LPP: variants seen among roughly 807,000 people sequenced by gnomAD.
LPP encodes LIM domain containing preferred translocation partner in lipoma, also known as lipoma-preferred partner.
LPP carries 38 observed loss-of-function variants against 60.4 expected under a neutral mutation model. That is an observed-to-expected ratio of 0.63 (90% CI 0.49 to 0.83). LPP has a LOEUF of 0.83. Among genes scored for constraint, LPP ranks in the 40% least tolerant of loss-of-function variants. The pLI is 0.00. For missense variants in LPP, 902 were observed against 783.6 expected (o/e 1.15, Z -1.80); for synonymous variants, 328 against 290.8 (o/e 1.13, Z -1.30).
chr3:188,231,016 C>A (rs546847169), intron 2 of LPP, among the ~76,000 whole-genome samples: 21 of 152,270 alleles, frequency 1.4e-4, no homozygotes, highest in Admixed American at 1.4e-3. Context: ...CAGTTTCTTG[C>A]CGTGTAGGGC....
chr3:188,746,103 C>T (rs888212171), intron 8 of LPP, among the ~76,000 whole-genome samples: 1 of 152,066 alleles, frequency 6.6e-6, no homozygotes, highest in African/African-American at 2.4e-5. Context: ...CGAGTTGTAC[C>T]ACTTGCACCA....
intron 4 of LPP, among the ~76,000 whole-genome samples, chr3:188,442,116 TTTTA>T (rs796713544): frequency 5.9e-5 from 9 of 152,238 alleles, no homozygotes; most frequent in African/African-American, 2.2e-4. Flanking sequence ...TCAACACAAC[TTTTA>T]TTTATTTATT....
intron 2 of LPP, among the ~76,000 whole-genome samples, chr3:188,260,099 G>A (rs971735670): frequency 6.6e-6 from 1 of 151,656 alleles, no homozygotes; most frequent in Non-Finnish European, 1.5e-5. Context: ...CCAGGCAGTG[G>A]CACGATCTCG....
intron 2 of LPP, among the ~76,000 whole-genome samples, chr3:188,230,464 T>C (rs528489081): frequency 6.6e-6 from 1 of 152,226 alleles, no homozygotes; most frequent in Admixed American, 6.5e-5. Context: ...TCAGATCTCA[T>C]GGGGCGTGGA....
intron 9 of LPP, among the ~76,000 whole-genome samples, chr3:188,766,438 G>T (rs1734190893): frequency 1.3e-5 from 2 of 148,654 alleles, no homozygotes; most frequent in South Asian, 2.2e-4. Flanking sequence ...TTTGCTCAGT[G>T]CTTTAACTTT....
chr3:188,381,650 G>A (rs1012882220), intron 3 of LPP, among the ~76,000 whole-genome samples: 3 of 152,170 alleles, frequency 2.0e-5, no homozygotes, highest in African/African-American at 7.2e-5. Flanking sequence ...AGTGAAGGAA[G>A]CTTCACTTTT....
intron 7 of LPP, among the ~76,000 whole-genome samples, chr3:188,639,902 A>G (rs1321878262): frequency 6.6e-6 from 1 of 151,936 alleles, no homozygotes; most frequent in Non-Finnish European, 1.5e-5. Context: ...AAATAGGAAC[A>G]CTTTTACACT....
intron 2 of LPP, among the ~76,000 whole-genome samples, chr3:188,314,265 G>C (rs1754382050): frequency 1.3e-5 from 2 of 152,050 alleles, no homozygotes; most frequent in Middle Eastern, 6.8e-3. Flanking sequence ...GTGTTGAAAA[G>C]TATCCACACT....
chr3:188,874,418 G>A lies in LPP; in HGVS notation c.1778G>A (p.Cys593Tyr). Residue 593 changes from cysteine (C) to tyrosine (Y), a missense_variant, in exon 12 of 12, where the codon TGC becomes TAC. Coordinates refer to ENST00000617246, the MANE Select transcript of LPP (RefSeq NM_001375462.1). ...TACCCCTTGGATGGGCACATCCTCT[G>A]CAAGACCTGCAACTCTGCCCGCATC... ...GCYPLDGHIL[C>Y]KTCNSARIRV... is the part of the protein sequence containing the mutation. 1.2e-6 allele frequency: 2 copies of A among 1,614,180 alleles called. No individual in the cohort carries two copies. The highest frequency in any genetic ancestry group is 1.7e-6 in the Non-Finnish European group (2 of 1,179,996).
chr3:188,182,921 T>G lies in LPP; in HGVS notation c.-190+28669T>G, dbSNP rs1577157552. ...CTGGTCAAGAGTACTTAGAGAAAAT[T>G]CCCTCAGTGTTTCCATTGTACATTG... On this transcript the variant is annotated intron_variant, in intron 1 of 11. Coordinates refer to ENST00000617246, the MANE Select transcript of LPP (RefSeq NM_001375462.1). This position sits in a 1 kb window ranked among gnomAD's most constrained non-coding sequence, Gnocchi z 4.4. 6.6e-6 allele frequency among the ~76,000 whole-genome samples: 1 copy of G among 152,134 alleles called. No homozygotes were observed.
In LPP at chr3:188,785,509, CATATATAT is replaced by C. The variant is rs201137577; in HGVS notation, c.1410+25240_1410+25247del. On this transcript the variant is annotated intron_variant, in intron 9 of 11. Coordinates refer to ENST00000617246, the MANE Select transcript of LPP (RefSeq NM_001375462.1). ...TATTCATCATATATATATATTCCAT[CATATATAT>C]ATATATATATATTCCATCATATATA... Among the ~76,000 whole-genome samples, 2 of 28,042 alleles carry C rather than the reference CATATATAT, an allele frequency of 7.1e-5. 1 individual carries two copies. The highest frequency in any genetic ancestry group is 1.3e-4 in the Non-Finnish European group (2 of 15,632). The allele number at this position is 28,042 out of a possible 152,430, so 18.4% of individuals were successfully genotyped here. A position where few individuals can be genotyped will look rare whatever the true frequency, so the allele number is the denominator to read the frequency against.
Position 188,508,301 on chromosome 3 carries a change from G to GA in LPP, c.307-16357dup, listed in dbSNP as rs796295270. 1.2e-4 allele frequency among the ~76,000 whole-genome samples: 19 copies of GA among 152,182 alleles called. 1 individual carries two copies. Among genetic ancestry groups the GA allele is most frequent in the African/African-American group, 4.6e-4 (19 of 41,540 alleles). ...ATGTGGCAAATGGAAGAATCCTTTG[G>GA]AAAAAAATGAGGACTTTGAAGCAGG... On this transcript the variant is annotated intron_variant, in intron 5 of 11. Coordinates refer to ENST00000617246, the MANE Select transcript of LPP (RefSeq NM_001375462.1).
At chr3:188,690,653 C>T (rs1861919396) in intron 7 of LPP, among the ~76,000 whole-genome samples, 2 of 152,148 alleles carry the variant, frequency 1.3e-5, no homozygotes, top group South Asian at 2.1e-4. Context: ...TCCCTGTAGT[C>T]AGACCCTGGT....
intron 8 of LPP, chr3:188,708,644 T>C (rs77032884): frequency 0.016 from 8,712 of 560,476 alleles, 99 homozygotes; most frequent in Non-Finnish European, 0.022. Flanking sequence ...ATTTTATTGT[T>C]GAGACTTATT....
intron 2 of LPP, among the ~76,000 whole-genome samples, chr3:188,249,869 C>CAG (rs1401358805): frequency 1.5e-5 from 2 of 134,998 alleles, no homozygotes; most frequent in East Asian, 4.1e-4. Flanking sequence ...CACACACACA[C>CAG]AGTCTCCCCC....
At chr3:188,563,460 A>ATATGTGTGTGTGTGTGTG (rs373067080) in intron 6 of LPP, among the ~76,000 whole-genome samples, 10,312 of 141,792 alleles carry the variant, frequency 0.073, 425 homozygotes, top group Admixed American at 0.094. Context: ...TTACATATAT[A>ATATGTGTGTGTGTGTGTG]TGTGTGTGTG....
At chr3:188,477,008 C>T (rs1433289816) in intron 4 of LPP, among the ~76,000 whole-genome samples, 1 of 152,144 alleles carries the variant, frequency 6.6e-6, no homozygotes, top group African/African-American at 2.4e-5. Context: ...ATCCAGGTGC[C>T]GCTTTATTAA....
At chr3:188,738,079 G>A (rs1446757387) in intron 8 of LPP, among the ~76,000 whole-genome samples, 1 of 151,702 alleles carries the variant, frequency 6.6e-6, no homozygotes, top group Non-Finnish European at 1.5e-5. Context: ...TGTTATTTTT[G>A]GTACTGATGT....
intron 5 of LPP, among the ~76,000 whole-genome samples, chr3:188,523,197 G>A (rs866865911): frequency 4.4e-4 from 67 of 152,130 alleles, no homozygotes; most frequent in African/African-American, 1.3e-3. Context: ...ATGAGCCACC[G>A]CGCCCGTCCT....
Sources: gnomAD v4.1 joint callset for allele counts (sites outside exome capture counted in the v4.1 genomes callset) on GRCh38, gnomAD v4.1.1 for gene constraint, Gnocchi (gnomAD v3.1) non-coding constraint, MANE v1.5 for transcripts, NCBI Gene and HGNC (gene_info 2026-07-23, HGNC 2026-07-21) for gene names.